Variants in DCLK2 observed in about 807,000 individuals in gnomAD.
DCLK2 encodes doublecortin like kinase 2.
Under a neutral mutation model 78.4 loss-of-function variants are expected in DCLK2, and 31 were observed. That is an observed-to-expected ratio of 0.40 (90% CI 0.30 to 0.53). The LOEUF (loss-of-function observed/expected upper bound fraction) is 0.53, where lower values mean the gene tolerates loss of function less well. Among genes scored for constraint, DCLK2 ranks in the 20% least tolerant of loss-of-function variants. The pLI, the probability that DCLK2 is intolerant of heterozygous loss-of-function variation, is 0.61. For missense variants in DCLK2, 872 were observed against 973.7 expected (o/e 0.90, Z 1.39); for synonymous variants, 407 against 374.9 (o/e 1.09, Z -0.99).
At chr4:150,240,322 A>T in intron 11 of DCLK2, 77 bp from the exon 12 acceptor site, 2 of 1,180,318 alleles carry the variant, frequency 1.7e-6, no homozygotes, top group Non-Finnish European at 2.5e-6. Context: ...CCTAACAAAT[A>T]AAGGCAATAC....
At chr4:150,082,728 A>G (rs1729392494) in intron 1 of DCLK2, among the ~76,000 whole-genome samples, 3 of 152,230 alleles carry the variant, frequency 2.0e-5, no homozygotes, top group South Asian at 4.1e-4. Context: ...TGCTGAGCTC[A>G]GTATCTGTAA....
At chr4:150,081,074 A>G (rs1580460505) in intron 1 of DCLK2, among the ~76,000 whole-genome samples, 1 of 152,228 alleles carries the variant, frequency 6.6e-6, no homozygotes, top group East Asian at 1.9e-4. Flanking sequence ...GACTGACCCA[A>G]GATCAGATTT....
At chr4:150,144,627 C>A (rs991980189) in intron 2 of DCLK2, among the ~76,000 whole-genome samples, 1 of 152,142 alleles carries the variant, frequency 6.6e-6, no homozygotes, top group Non-Finnish European at 1.5e-5. Context: ...AACTCTGTTG[C>A]CCAGGCTGGA....
chr4:150,192,143 C>G (rs114512770), intron 2 of DCLK2, among the ~76,000 whole-genome samples: 1,888 of 152,140 alleles, frequency 0.012, 44 homozygotes, highest in African/African-American at 0.043. Flanking sequence ...TTCTGTGGAA[C>G]TGAAACTAAT....
intron 10 of DCLK2, 126 bp downstream of exon 10, chr4:150,232,954 A>C: frequency 8.2e-7 from 1 of 1,220,680 alleles, no homozygotes; most frequent in Non-Finnish European, 1.1e-6. Flanking sequence ...TTAGAAAATT[A>C]GCAAGACTTA....
chr4:150,242,228 C>A (rs1248560934), intron 12 of DCLK2, among the ~76,000 whole-genome samples: 1 of 152,096 alleles, frequency 6.6e-6, no homozygotes, highest in Non-Finnish European at 1.5e-5. Context: ...GACTATTGAT[C>A]AAAGAGAATA....
At chr4:150,130,806 A>G (rs1412039465) in intron 2 of DCLK2, among the ~76,000 whole-genome samples, 2 of 151,722 alleles carry the variant, frequency 1.3e-5, no homozygotes, top group Non-Finnish European at 2.9e-5. Flanking sequence ...TGAAAGCAAG[A>G]TCTCTAACCT....
intron 8 of DCLK2, among the ~76,000 whole-genome samples, chr4:150,230,961 C>T (rs1342258166): frequency 6.6e-6 from 1 of 152,266 alleles, no homozygotes; most frequent in Non-Finnish European, 1.5e-5. Context: ...CCTCCTTGCA[C>T]AAACCCTGGT....
intron 1 of DCLK2, among the ~76,000 whole-genome samples, chr4:150,101,914 CATA>C (rs768240604): frequency 2.9e-4 from 44 of 152,108 alleles, no homozygotes; most frequent in Admixed American, 1.3e-3. Context: ...AGAACTCTTC[CATA>C]ATGTTTGTGG....
chr4:150,215,505 A>G (rs986100113), intron 5 of DCLK2, among the ~76,000 whole-genome samples: 5 of 152,164 alleles, frequency 3.3e-5, no homozygotes, highest in Admixed American at 2.6e-4. Flanking sequence ...GGAAGTGTTT[A>G]CTAATTTATT....
chr4:150,243,258 C>T (rs185638846), intron 12 of DCLK2, among the ~76,000 whole-genome samples: 1 of 152,304 alleles, frequency 6.6e-6, no homozygotes, highest in East Asian at 1.9e-4. Flanking sequence ...CTGAAAGCTG[C>T]TGCCCTTATA....
At chr4:150,121,168 G>A (rs978041031) in intron 2 of DCLK2, among the ~76,000 whole-genome samples, 1 of 96,214 alleles carries the variant, frequency 1.0e-5, no homozygotes, top group Non-Finnish European at 2.1e-5. Flanking sequence ...ATTGATCAGG[G>A]TGGTGGTTGC....
chr4:150,172,866 G>A (rs765705688), intron 2 of DCLK2, among the ~76,000 whole-genome samples: 2 of 150,702 alleles, frequency 1.3e-5, no homozygotes, highest in East Asian at 2.0e-4. Flanking sequence ...TTTCCTTGTC[G>A]TAGGAATGGA....
chr4:150,181,489 T>G, intron 2 of DCLK2, among the ~76,000 whole-genome samples: 1 of 152,170 alleles, frequency 6.6e-6, no homozygotes, highest in East Asian at 1.9e-4. Flanking sequence ...TTAAAACCTT[T>G]TCATCCTATT....
rs534802017 is a variant in DCLK2, at chr4:150,110,572, C to T, written c.756+7760C>T. Among the ~76,000 whole-genome samples, 8 of 151,886 alleles carry T rather than the reference C, an allele frequency of 5.3e-5. No homozygotes were observed. The South Asian group carries it at 6.2e-4, about 12-fold the overall frequency. On this transcript the variant is annotated intron_variant, in intron 2 of 15. Coordinates refer to ENST00000296550, the MANE Select transcript of DCLK2 (RefSeq NM_001040260.4). ...GGTGGTGAAGTCTGAGATTTTATTG[C>T]GCCCGTCACCTGAGTAGTGTACATT...
intron 2 of DCLK2, among the ~76,000 whole-genome samples, chr4:150,130,771 A>C (rs968375844): frequency 1.3e-5 from 2 of 152,122 alleles, no homozygotes; most frequent in Non-Finnish European, 2.9e-5. Context: ...AGCATGGCAG[A>C]GGATACGGAG....
chr4:150,251,277 C>A (rs111215787), intron 15 of DCLK2, among the ~76,000 whole-genome samples: 5 of 290 alleles, frequency 0.017, no homozygotes, highest in Non-Finnish European at 0.05. Flanking sequence ...CCCACACCCC[C>A]CACACCACAC....
intron 2 of DCLK2, among the ~76,000 whole-genome samples, chr4:150,114,234 A>G (rs1211271605): frequency 6.6e-6 from 1 of 152,122 alleles, no homozygotes; most frequent in Non-Finnish European, 1.5e-5. Context: ...ATTGAATAGA[A>G]TGTTCTGTAA....
At chr4:150,230,530 C>T (rs758085863) in intron 8 of DCLK2, among the ~76,000 whole-genome samples, 6 of 152,226 alleles carry the variant, frequency 3.9e-5, no homozygotes, top group Non-Finnish European at 7.3e-5. Flanking sequence ...TATTTAATGA[C>T]AGTAGCAACT....
Sources: allele counts gnomAD v4.1 joint callset (sites outside exome capture counted in the v4.1 genomes callset), GRCh38; gene constraint gnomAD v4.1.1; transcripts MANE v1.5; gene names NCBI Gene and HGNC (gene_info 2026-07-23, HGNC 2026-07-21).